The following TASP1 variants were observed in gnomAD, a reference collection of about 807,000 sequenced individuals.
TASP1 encodes taspase 1.
In TASP1, 16 loss-of-function variants were observed where a neutral mutation model predicts 56.6. The observed-to-expected ratio is 0.28, with a 90% confidence interval of 0.19 to 0.43. The LOEUF (loss-of-function observed/expected upper bound fraction) is 0.43, where lower values mean the gene tolerates loss of function less well. TASP1 is among the 20% of genes least tolerant of loss of function. The pLI is 1.00. For missense variants in TASP1, 393 were observed against 511.6 expected (o/e 0.77, Z 2.24); for synonymous variants, 179 against 184.2 (o/e 0.97, Z 0.23).
chr20:13,488,926 T>A (rs1184629850), intron 10 of TASP1, among the ~76,000 whole-genome samples: 2 of 152,036 alleles, frequency 1.3e-5, no homozygotes, highest in African/African-American at 4.8e-5. Flanking sequence ...CTTACATCCA[T>A]CCCCTTACTC....
chr20:13,273,579 C>T, the TASP1 span, among the ~76,000 whole-genome samples: 5 of 152,104 alleles, frequency 3.3e-5, no homozygotes, highest in African/African-American at 1.2e-4. Flanking sequence ...AAAGCTATAG[C>T]GTAAAGGCTG....
At chr20:13,353,593 T>C in the TASP1 span, among the ~76,000 whole-genome samples, 1 of 151,910 alleles carries the variant, frequency 6.6e-6, no homozygotes, top group African/African-American at 2.4e-5. Context: ...ACAACTTCCA[T>C]AGTTAGCTGG....
intron 4 of TASP1, among the ~76,000 whole-genome samples, chr20:13,592,283 G>A (rs766545852): frequency 2.0e-5 from 3 of 151,820 alleles, no homozygotes; most frequent in Non-Finnish European, 4.4e-5. Context: ...TGTAATCCCA[G>A]CTACTCGGGA....
intron 11 of TASP1, among the ~76,000 whole-genome samples, chr20:13,458,970 C>G (rs1884796): frequency 0.75 from 113,429 of 152,100 alleles, 43,192 homozygotes; most frequent in African/African-American, 0.91. Flanking sequence ...CATGCCTGAA[C>G]AAGGATAGTG....
intron 6 of TASP1, among the ~76,000 whole-genome samples, chr20:13,577,182 C>T (rs550139177): frequency 5.3e-5 from 8 of 152,076 alleles, no homozygotes; most frequent in Non-Finnish European, 7.4e-5. Context: ...TCTCTTCTAA[C>T]TTTGGAAAGA....
At chr20:13,597,793 A>G (rs2047797294) in intron 4 of TASP1, among the ~76,000 whole-genome samples, 1 of 152,242 alleles carries the variant, frequency 6.6e-6, no homozygotes, top group Non-Finnish European at 1.5e-5. Context: ...CCATCATCTC[A>G]GCCCAAAATC....
chr20:13,344,483 A>G, the TASP1 span, among the ~76,000 whole-genome samples: 1 of 152,182 alleles, frequency 6.6e-6, no homozygotes, highest in Non-Finnish European at 1.5e-5. Context: ...GAGACTCTTC[A>G]TGGGAAAGAG....
At chr20:13,595,115 C>A (rs1381263186) in intron 4 of TASP1, among the ~76,000 whole-genome samples, 2 of 152,102 alleles carry the variant, frequency 1.3e-5, no homozygotes, top group Non-Finnish European at 2.9e-5. Context: ...AATTTCATAT[C>A]CAGCCAAACT....
chr20:13,293,659 A>C, the TASP1 span, among the ~76,000 whole-genome samples: 1 of 152,190 alleles, frequency 6.6e-6, no homozygotes, highest in African/African-American at 2.4e-5. Context: ...CTGGAGGAAA[A>C]TAATGGTCCA....
the TASP1 span, among the ~76,000 whole-genome samples, chr20:13,293,132 G>A: frequency 5.3e-5 from 8 of 151,680 alleles, no homozygotes; most frequent in African/African-American, 1.5e-4. Context: ...CCCAGGAGGC[G>A]GAGGTTGCAG....
At chr20:13,181,976 A>C in the TASP1 span, among the ~76,000 whole-genome samples, 1 of 152,238 alleles carries the variant, frequency 6.6e-6, no homozygotes, top group Non-Finnish European at 1.5e-5. Flanking sequence ...TGAGTGCTAC[A>C]TTAGGCTGTA....
the TASP1 span, among the ~76,000 whole-genome samples, chr20:13,297,807 T>C: frequency 3.3e-5 from 5 of 152,244 alleles, no homozygotes; most frequent in Non-Finnish European, 4.4e-5. Context: ...TTTTTAATAC[T>C]GAAAGAACCA....
chr20:13,496,903 A>G (rs1373621430), intron 10 of TASP1, among the ~76,000 whole-genome samples: 1 of 152,196 alleles, frequency 6.6e-6, no homozygotes, highest in South Asian at 2.1e-4. Context: ...AGCCTTTCCT[A>G]TGAGAAAACA....
At chr20:13,564,230 T>G (rs6042216) in intron 7 of TASP1, among the ~76,000 whole-genome samples, 2,110 of 152,102 alleles carry the variant, frequency 0.014, 48 homozygotes, top group African/African-American at 0.047. Flanking sequence ...ACTAATAAAT[T>G]CAGCAAAGTT....
intron 10 of TASP1, among the ~76,000 whole-genome samples, chr20:13,501,714 G>C (rs1039694516): frequency 6.6e-6 from 1 of 151,786 alleles, no homozygotes; most frequent in Admixed American, 6.6e-5. Flanking sequence ...TAAAAGGCAC[G>C]GGTTATCAAT....
At chr20:13,111,370 C>T in the TASP1 span, among the ~76,000 whole-genome samples, 1 of 152,310 alleles carries the variant, frequency 6.6e-6, no homozygotes, top group East Asian at 1.9e-4. Context: ...AGCCTAGGCA[C>T]ATTTGGCGAT....
At chr20:13,318,003 A>G in the TASP1 span, among the ~76,000 whole-genome samples, 17 of 152,226 alleles carry the variant, frequency 1.1e-4, no homozygotes, top group South Asian at 3.5e-3. Flanking sequence ...GCATGAAAAA[A>G]CAAGCCAAAG....
the TASP1 span, chr20:13,270,447 T>G: frequency 6.5e-7 from 1 of 1,546,150 alleles, no homozygotes; most frequent in Non-Finnish European, 8.7e-7. Context: ...CTGTTAAGGG[T>G]GACATTTTTT....
At chr20:13,533,698 G>A (rs919212990) in intron 9 of TASP1, among the ~76,000 whole-genome samples, 1 of 152,074 alleles carries the variant, frequency 6.6e-6, no homozygotes, top group Admixed American at 6.6e-5. Context: ...TTCCTAAAGA[G>A]AGTGACATTT....
Sources: allele counts gnomAD v4.1 joint callset (sites outside exome capture counted in the v4.1 genomes callset), GRCh38; gene constraint gnomAD v4.1.1; transcripts MANE v1.5; gene names NCBI Gene and HGNC (gene_info 2026-07-23, HGNC 2026-07-21).